RPS14: variants seen among roughly 807,000 people sequenced by gnomAD.
RPS14 encodes the protein ribosomal protein S14, also known as small ribosomal subunit protein uS11.
Under a neutral mutation model 15.4 loss-of-function variants are expected in RPS14, and 1 was observed. The observed-to-expected ratio is 0.07, with a 90% CI of 0.02 to 0.31. RPS14 has a LOEUF of 0.31. RPS14 is among the 10% of genes least tolerant of loss of function. RPS14 has a pLI of 1.00. For missense variants in RPS14, 69 were observed against 205.5 expected, an observed-to-expected ratio of 0.34 and a Z score of 4.06; for synonymous variants, 68 against 74.4, an observed-to-expected ratio of 0.91 and a Z score of 0.44.
At position 150,443,293 on chromosome 5, in the gene RPS14, T is replaced by C. The variant is rs761645467; in HGVS notation, c.*993A>G. 2.0e-5 allele frequency: 3 copies of C among 152,178 alleles called. No homozygotes were observed. Among genetic ancestry groups the C allele is most frequent in the Non-Finnish European group, 4.4e-5 (3 of 68,054 alleles). The allele number at this position is 152,178 out of a possible 1,614,324, so 9.4% of individuals were successfully genotyped here. A position where few individuals can be genotyped will look rare whatever the true frequency, so the allele number is the denominator to read the frequency against. ...GTCATTTAGCATTAGGTATATCTCCTAATGCTATCCCTCCCGCCTCCCCAG... is the reference window on the plus strand; with the variant it reads ...GTCATTTAGCATTAGGTATATCTCCCAATGCTATCCCTCCCGCCTCCCCAG... On this transcript the variant is annotated 3_prime_UTR_variant, in exon 5 of 5. Coordinates refer to ENST00000407193, the MANE Select transcript of RPS14 (RefSeq NM_005617.4).
Position 150,446,172 on chromosome 5 carries a change from ACTGT to A in RPS14, c.312-491_312-488del, listed in dbSNP as rs1388817550. On this transcript the variant is annotated intron_variant, in intron 3 of 4. Coordinates refer to ENST00000407193, the MANE Select transcript of RPS14 (RefSeq NM_005617.4). This position sits in a 1 kb window ranked among gnomAD's most constrained non-coding sequence, Gnocchi z 4.2. ...TATGGTTTGTTGTTATGTTCTGACC[ACTGT>A]CTGGCTTGTTCACGCAACAGTCATC... Among the ~76,000 whole-genome samples the A allele has an allele frequency of 6.6e-6, 1 of 151,756 alleles. No individual in the cohort carries two copies. The highest frequency in any genetic ancestry group is 1.5e-5 in the Non-Finnish European group (1 of 67,992).
chr5:150,446,696 T>C lies in RPS14; in HGVS notation c.311+106A>G. The C allele has an allele frequency of 7.8e-7, 1 of 1,276,206 alleles. No homozygotes were observed. Among genetic ancestry groups the C allele is most frequent in the South Asian group, 1.4e-5 (1 of 71,944 alleles). 79.1% of individuals were successfully genotyped at this position (1,276,206 alleles called of 1,614,324 possible). ...ATTAAGTATGTATATGCCTAAAATATCTTGTTCAAGGTCACAACAAAAAAC... is the reference window on the plus strand; with the variant it reads ...ATTAAGTATGTATATGCCTAAAATACCTTGTTCAAGGTCACAACAAAAAAC... On this transcript the variant is annotated intron_variant, in intron 3 of 4. Transcript: ENST00000407193. The surrounding 1 kb of genome is among the most constrained non-coding windows in gnomAD (Gnocchi z 4.2).
rs763624747 is a variant in RPS14 at position 150,446,048 on chromosome 5, C to T, written c.312-363G>A. Among the ~76,000 whole-genome samples, 3 of 151,644 alleles carry T rather than the reference C, an allele frequency of 2.0e-5. No homozygotes were observed. Among genetic ancestry groups the T allele is most frequent in the East Asian group, 1.9e-4 (1 of 5,182 alleles). The stretch of plus-strand genomic sequence containing the variant: ...CAGAGACTGCAGTAAGCTGAGATAG[C>T]GCCACTGCACTCCAGCCTGGGTGAG... On this transcript the variant is annotated intron_variant, in intron 3 of 4. Transcript: ENST00000407193. This position sits in a 1 kb window ranked among gnomAD's most constrained non-coding sequence, Gnocchi z 4.2.
chr5:150,444,202 C>G lies in RPS14; in HGVS notation c.*84G>C, dbSNP rs529171012. 7.8e-5 allele frequency: 119 copies of G among 1,523,704 alleles called. No individual in the cohort carries two copies. In the South Asian group the frequency reaches 1.4e-3, roughly 18 times the overall value. The allele number at this position is 1,523,704 out of a possible 1,614,324, so 94.4% of individuals were successfully genotyped here. On this transcript the variant is annotated 3_prime_UTR_variant, in exon 5 of 5. Coordinates refer to ENST00000407193, the MANE Select transcript of RPS14 (RefSeq NM_005617.4). ...AGGAAGAAATCAAATGCCTGAGTAG[C>G]CCCTGATGAAGGAGAGAAGGCTGGA...
intron 1 of RPS14, chr5:150,449,272 T>C (rs896026466): frequency 2.0e-5 from 3 of 152,150 alleles, no homozygotes; most frequent in Non-Finnish European, 4.4e-5. Context: ...TACAAACCCA[T>C]GGGATCGGTG....
At chr5:150,447,105 G>C (rs969234454) in intron 2 of RPS14, 142 bp from the exon 3 acceptor site, 5 of 876,538 alleles carry the variant, frequency 5.7e-6, no homozygotes, top group Non-Finnish European at 8.9e-6. Context: ...CAGTCCAGTG[G>C]GGTTGAATGG....
chr5:150,447,922 CT>C, intron 1 of RPS14, 187 bp from the exon 2 acceptor site: 1 of 623,922 alleles, frequency 1.6e-6, no homozygotes. Context: ...GGGGTATCAA[CT>C]GTGGCCACAT....
At position 150,443,232 on chromosome 5, in the gene RPS14, A is replaced by G. The variant is rs1352123344; in HGVS notation, c.*1054T>C. 6.6e-6 allele frequency: 1 copy of G among 151,788 alleles called. No individual in the cohort carries two copies. Among genetic ancestry groups the G allele is most frequent in the African/African-American group, 2.4e-5 (1 of 41,268 alleles). The allele number at this position is 151,788 out of a possible 1,614,324, so 9.4% of individuals were successfully genotyped here. On this transcript the variant is annotated 3_prime_UTR_variant, in exon 5 of 5. Transcript: ENST00000407193. Reference sequence around the variant, plus strand: ...ACGTGCAGGTTTGTTACATATGTATACATGTGCCATGTTGGTGTGCTGCAC... The same window carrying G: ...ACGTGCAGGTTTGTTACATATGTATGCATGTGCCATGTTGGTGTGCTGCAC...
In RPS14 at chr5:150,445,614, C is replaced by T. The variant is rs377535663; in HGVS notation, c.383G>A (p.Arg128Gln). Reference protein sequence around the residue: ...ALARSGMKIGRIEDVTPIPSD... With the variant: ...ALARSGMKIGQIEDVTPIPSD... ...AGCTAGAGGGGGGCACTTACCAATC[C>T]GCCCGATCTTCATACCCGAGCGGGC... The change falls in exon 4 of 5, where the codon CGG becomes CAG. Residue 128 changes from arginine to glutamine, a missense_variant. Physicochemically the swap from Arg to Gln is conservative, Grantham distance 43. Coordinates refer to ENST00000407193, the MANE Select transcript of RPS14 (RefSeq NM_005617.4). 4 of 1,612,944 alleles carry T rather than the reference C, an allele frequency of 2.5e-6. No individual in the cohort carries two copies. Among genetic ancestry groups the T allele is most frequent in the Non-Finnish European group, 3.4e-6 (4 of 1,179,616 alleles).
intron 2 of RPS14, 98 bp from the exon 3 acceptor site, chr5:150,447,061 G>A: frequency 2.1e-6 from 3 of 1,433,284 alleles, no homozygotes; most frequent in Non-Finnish European, 2.9e-6. Context: ...TCATGGTGGA[G>A]GATGATGGTC....
chr5:150,445,490 CA>C (rs1344980006), intron 4 of RPS14, 118 bp downstream of exon 4: 7 of 944,224 alleles, frequency 7.4e-6, no homozygotes, highest in South Asian at 1.3e-5. Flanking sequence ...CCTCCCTTAA[CA>C]AACTTAACTG....
chr5:150,445,738 A>T lies in RPS14; in HGVS notation c.312-53T>A. 1.4e-6 allele frequency: 2 copies of T among 1,403,986 alleles called. 1 individual carries two copies. The highest frequency in any genetic ancestry group is 2.4e-5 in the South Asian group (2 of 83,536). 87.0% of individuals were successfully genotyped at this position (1,403,986 alleles called of 1,614,324 possible). On this transcript the variant is annotated intron_variant, in intron 3 of 4. Coordinates refer to ENST00000407193, the MANE Select transcript of RPS14 (RefSeq NM_005617.4). ...GAGCCTTTGGCCAAGTCAATGGAAG[A>T]TCTCCTTTCTAAGATCCCAACACCC... is the stretch of plus-strand genomic sequence containing the variant.
chr5:150,446,678 A>T lies in RPS14; in HGVS notation c.311+124T>A. On this transcript the variant is annotated intron_variant, in intron 3 of 4. Transcript: ENST00000407193. The surrounding 1 kb of genome is among the most constrained non-coding windows in gnomAD (Gnocchi z 4.2). ...TGTACACAGGAGCCAATTATTAAGT[A>T]TGTATATGCCTAAAATATCTTGTTC... 9.8e-7 allele frequency: 1 copy of T among 1,015,342 alleles called. No individual in the cohort carries two copies. The highest frequency in any genetic ancestry group is 1.5e-6 in the Non-Finnish European group (1 of 679,680). The allele number at this position is 1,015,342 out of a possible 1,614,324, so 62.9% of individuals were successfully genotyped here.
intron 4 of RPS14, among the ~76,000 whole-genome samples, chr5:150,444,991 C>T (rs1771049536): frequency 6.6e-6 from 1 of 152,226 alleles, no homozygotes; most frequent in African/African-American, 2.4e-5. Context: ...CCACTGAATT[C>T]CAGCCCACGC....
intron 4 of RPS14, chr5:150,445,354 T>C (rs1771060794): frequency 1.6e-6 from 1 of 642,160 alleles, no homozygotes; most frequent in Non-Finnish European, 2.8e-6. Flanking sequence ...GGACAATTCA[T>C]CTCTTGTCAG....
intron 3 of RPS14, 137 bp from the exon 4 acceptor site, chr5:150,445,822 G>C (rs1263394230): frequency 5.6e-6 from 4 of 709,900 alleles, no homozygotes; most frequent in African/African-American, 3.6e-5. Flanking sequence ...GTACACAGTG[G>C]TTCACACCCA....
chr5:150,449,471 T>C (rs1219336269), intron 1 of RPS14: 1 of 151,898 alleles, frequency 6.6e-6, no homozygotes, highest in African/African-American at 2.4e-5. Context: ...CTTAAAAGGC[T>C]GGACCCGCAC....
intron 4 of RPS14, among the ~76,000 whole-genome samples, chr5:150,444,875 C>G (rs887568516): frequency 6.3e-5 from 8 of 126,586 alleles, no homozygotes; most frequent in Non-Finnish European, 1.5e-4. Flanking sequence ...AAAAAAAAGC[C>G]CGGTGTGGCA....
At chr5:150,447,830 T>TC in intron 1 of RPS14, 95 bp from the exon 2 acceptor site, 2 of 1,326,630 alleles carry the variant, frequency 1.5e-6, no homozygotes, top group South Asian at 2.6e-5. Flanking sequence ...TCCTGCTTCA[T>TC]GTCCCTGTCT....
Sources: allele counts gnomAD v4.1 joint callset (sites outside exome capture counted in the v4.1 genomes callset), GRCh38; gene constraint gnomAD v4.1.1; non-coding constraint Gnocchi (gnomAD v3.1); transcripts MANE v1.5; gene names NCBI Gene and HGNC (gene_info 2026-07-23, HGNC 2026-07-21).